The following NFYA variants were observed in gnomAD, a reference collection of about 807,000 sequenced individuals.
The protein encoded by NFYA is nuclear transcription factor Y subunit alpha.
In NFYA, 28 loss-of-function variants were observed where a neutral mutation model predicts 52.8. The ratio of observed to expected loss-of-function variants is 0.53; its 90% CI spans 0.39 to 0.73. The LOEUF (loss-of-function observed/expected upper bound fraction) is 0.73. Among genes scored for constraint, NFYA ranks in the 30% least tolerant of loss-of-function variants. The pLI is 0.00. For missense variants in NFYA, 234 were observed against 427.0 expected (o/e 0.55, Z 3.98); for synonymous variants, 150 against 150.7 (o/e 1.00, Z 0.03).
intron 4 of NFYA, among the ~76,000 whole-genome samples, chr6:41,085,744 G>A (rs982050380): frequency 1.4e-5 from 2 of 142,836 alleles, no homozygotes; most frequent in South Asian, 2.1e-4. Context: ...ATGTGGGGTT[G>A]TGTTTTCATT....
At chr6:41,087,933 GC>G (rs1167930254) in intron 4 of NFYA, among the ~76,000 whole-genome samples, 1 of 151,978 alleles carries the variant, frequency 6.6e-6, no homozygotes, top group Non-Finnish European at 1.5e-5. Flanking sequence ...TTCCATAATT[GC>G]TTTATAAGGT....
At chr6:41,079,578 C>T (rs1763852144) in intron 2 of NFYA, among the ~76,000 whole-genome samples, 1 of 152,158 alleles carries the variant, frequency 6.6e-6, no homozygotes, top group Non-Finnish European at 1.5e-5. Context: ...ATTTTTTATT[C>T]AGAAAAGCTC....
At chr6:41,089,850 T>C (rs1293049530) in intron 5 of NFYA, 140 bp downstream of exon 5, 2 of 1,208,072 alleles carry the variant, frequency 1.7e-6, no homozygotes, top group Non-Finnish European at 2.3e-6. Flanking sequence ...CCGGGCGCGG[T>C]GGCTCATGCC....
At chr6:41,074,110 T>A (rs1763656677) in intron 1 of NFYA, among the ~76,000 whole-genome samples, 1 of 152,246 alleles carries the variant, frequency 6.6e-6, no homozygotes, top group South Asian at 2.1e-4. Context: ...TTTGGGGGTT[T>A]TTTTTCCCTT....
intron 4 of NFYA, among the ~76,000 whole-genome samples, chr6:41,085,107 AAG>A (rs764334602): frequency 3.9e-5 from 6 of 152,208 alleles, no homozygotes; most frequent in Non-Finnish European, 7.3e-5. Flanking sequence ...TGTGGAGAAA[AAG>A]AATTAATCAT....
Position 41,077,355 on chromosome 6 carries a change from A to G in NFYA, c.-61-1674A>G, listed in dbSNP as rs145520578. ...TATAAAACATTTTCATCACCCTACAATGTTCCTAAGGCTCCATGCCAGTCA... is the reference window on the plus strand; with the variant it reads ...TATAAAACATTTTCATCACCCTACAGTGTTCCTAAGGCTCCATGCCAGTCA... On this transcript the variant is annotated intron_variant, in intron 1 of 9. Transcript: ENST00000341376. Among the ~76,000 whole-genome samples the G allele has an allele frequency of 5.8e-3, 887 of 152,208 alleles. 4 individuals carry two copies. Among genetic ancestry groups the G allele is most frequent in the Non-Finnish European group, 9.7e-3 (662 of 68,002 alleles).
intron 2 of NFYA, among the ~76,000 whole-genome samples, chr6:41,079,572 T>TTTA (rs1763852080): frequency 6.6e-6 from 1 of 152,228 alleles, no homozygotes; most frequent in South Asian, 2.1e-4. Flanking sequence ...TGCCACATTT[T>TTTA]TTATTCAGAA....
Position 41,089,443 on chromosome 6 carries a change from A to G in NFYA, c.310-136A>G, listed in dbSNP as rs1453848920. ...GAAAATAAGTTGTGTCTACTTCATA[A>G]TGGAGGGCAGAGCAGGACTTCTTTT... On this transcript the variant is annotated intron_variant, in intron 4 of 9. Coordinates refer to ENST00000341376, the MANE Select transcript of NFYA (RefSeq NM_002505.5). 4 of 891,866 alleles carry G rather than the reference A, an allele frequency of 4.5e-6. No individual in the cohort carries two copies. In the African/African-American group the frequency reaches 6.9e-5, roughly 15 times the overall value. The allele number at this position is 891,866 out of a possible 1,614,324, so 55.2% of individuals were successfully genotyped here. A position where few individuals can be genotyped will look rare whatever the true frequency, so the allele number is the denominator to read the frequency against.
intron 2 of NFYA, 126 bp from the exon 3 acceptor site, chr6:41,080,685 G>C: frequency 1.4e-6 from 1 of 693,588 alleles, no homozygotes; most frequent in East Asian, 2.6e-5. Context: ...TCAATATAGG[G>C]AGTCTGTACA....
At position 41,099,856 on chromosome 6, in the gene NFYA, C is replaced by T. The variant is rs11558774; in HGVS notation, c.*2446C>T. On this transcript the variant is annotated 3_prime_UTR_variant, in exon 10 of 10. Transcript: ENST00000341376. ...GCCTGATAATAATGTCTTGATTTTT[C>T]TTTGGGATTCAACTATATCGAAGGT... is the stretch of plus-strand genomic sequence containing the variant. The T allele has an allele frequency of 2.6e-5, 4 of 151,806 alleles. No individual in the cohort carries two copies. The highest frequency in any genetic ancestry group is 9.7e-5 in the African/African-American group (4 of 41,322). 9.4% of individuals were successfully genotyped at this position (151,806 alleles called of 1,614,324 possible).
In NFYA at chr6:41,101,218, C is replaced by T. The variant is rs1016955984; in HGVS notation, c.*3808C>T. ...CGGCACTTGCACTTAAGTCTCCTGGCCTGCGGGAGAGGCGGCCGTTGGGTC... is the reference window on the plus strand; with the variant it reads ...CGGCACTTGCACTTAAGTCTCCTGGTCTGCGGGAGAGGCGGCCGTTGGGTC... On this transcript the variant is annotated 3_prime_UTR_variant, in exon 10 of 10. Transcript: ENST00000341376. 3.9e-5 allele frequency: 6 copies of T among 152,276 alleles called. No individual in the cohort carries two copies. Among genetic ancestry groups the T allele is most frequent in the African/African-American group, 1.4e-4 (6 of 41,468 alleles). The allele number at this position is 152,276 out of a possible 1,614,324, so 9.4% of individuals were successfully genotyped here.
At chr6:41,089,903 A>C (rs963407572) in intron 5 of NFYA, among the ~76,000 whole-genome samples, 193 bp downstream of exon 5, 6 of 152,138 alleles carry the variant, frequency 3.9e-5, no homozygotes, top group Non-Finnish European at 5.9e-5. Context: ...GCTGATCACA[A>C]GGTCAAGAGA....
intron 4 of NFYA, among the ~76,000 whole-genome samples, chr6:41,088,315 C>T (rs1158766885): frequency 2.7e-5 from 4 of 145,498 alleles, no homozygotes; most frequent in East Asian, 2.1e-4. Flanking sequence ...CCCAGCTACT[C>T]GGGAGGCTGA....
chr6:41,073,283 G>C (rs1418175338), intron 1 of NFYA, among the ~76,000 whole-genome samples, 199 bp downstream of exon 1: 1 of 151,618 alleles, frequency 6.6e-6, no homozygotes, highest in East Asian at 2.0e-4. Flanking sequence ...AGGCCTGCAG[G>C]GGCCGCCCCG....
intron 4 of NFYA, among the ~76,000 whole-genome samples, chr6:41,086,549 C>G (rs189239172): frequency 1.3e-5 from 2 of 151,988 alleles, no homozygotes; most frequent in Admixed American, 6.6e-5. Context: ...TGTTGAGTAG[C>G]CATTTTTTAA....
intron 5 of NFYA, 64 bp from the exon 6 acceptor site, chr6:41,090,140 C>A: frequency 1.8e-6 from 2 of 1,103,454 alleles, no homozygotes; most frequent in Non-Finnish European, 2.7e-6. Flanking sequence ...TTTTTAAGGA[C>A]TACATCGTTC....
In NFYA at chr6:41,078,915, C is replaced by T. The variant is rs900053625; in HGVS notation, c.-61-114C>T. The T allele has an allele frequency of 1.6e-5, 9 of 550,936 alleles. No homozygotes were observed. In the African/African-American group the frequency reaches 1.7e-4, roughly 10 times the overall value. 34.1% of individuals were successfully genotyped at this position (550,936 alleles called of 1,614,324 possible). ...ATACTGAATATAAGCATTTCCTATT[C>T]TCCTATCCTGTTTTCTTGCAAATAA... is the stretch of plus-strand genomic sequence containing the variant. On this transcript the variant is annotated intron_variant, in intron 1 of 9. Coordinates refer to ENST00000341376, the MANE Select transcript of NFYA (RefSeq NM_002505.5).
rs942973133 is a variant in NFYA at position 41,101,289 on chromosome 6, G to A, written c.*3879G>A. On this transcript the variant is annotated 3_prime_UTR_variant, in exon 10 of 10. Coordinates refer to ENST00000341376, the MANE Select transcript of NFYA (RefSeq NM_002505.5). ...CGGTTACAGGCCTAGCCTCCCGCGAGCTAAGGCACAGTTTAACTTCGTGCT... is the reference window on the plus strand; with the variant it reads ...CGGTTACAGGCCTAGCCTCCCGCGAACTAAGGCACAGTTTAACTTCGTGCT... 5.9e-5 allele frequency: 9 copies of A among 152,238 alleles called. No individual in the cohort carries two copies. The highest frequency in any genetic ancestry group is 1.2e-4 in the Non-Finnish European group (8 of 68,040). 9.4% of individuals were successfully genotyped at this position (152,238 alleles called of 1,614,324 possible). A position where few individuals can be genotyped will look rare whatever the true frequency, so the allele number is the denominator to read the frequency against.
intron 1 of NFYA, among the ~76,000 whole-genome samples, 160 bp downstream of exon 1, chr6:41,073,244 C>A (rs927142041): frequency 2.1e-4 from 32 of 151,632 alleles, no homozygotes; most frequent in African/African-American, 5.6e-4. Context: ...GGCCCGGGGC[C>A]TGCGAGCGCC....
Sources: gnomAD v4.1 joint callset for allele counts (sites outside exome capture counted in the v4.1 genomes callset) on GRCh38, gnomAD v4.1.1 for gene constraint, MANE v1.5 for transcripts, NCBI Gene and HGNC (gene_info 2026-07-23, HGNC 2026-07-21) for gene names.